Variants in FUCA1 observed in about 807,000 individuals in gnomAD.
FUCA1 encodes tissue alpha-L-fucosidase.
A neutral mutation model predicts 56.8 loss-of-function variants in FUCA1; 52 were observed. That is an observed-to-expected ratio of 0.92 (90% CI 0.73 to 1.15). FUCA1 has a LOEUF of 1.15. Ranked by LOEUF, FUCA1 falls within the 50% of genes most tolerant of loss-of-function variation. The pLI is 0.00. For synonymous variants in FUCA1, 230 were observed against 226.6 expected (o/e 1.02, Z -0.14); for missense variants, 568 against 592.6 (o/e 0.96, Z 0.43).
chr1:23,859,162 G>A (rs1482155372), intron 4 of FUCA1, among the ~76,000 whole-genome samples: 1 of 151,944 alleles, frequency 6.6e-6, no homozygotes, highest in Non-Finnish European at 1.5e-5. Context: ...TATAACATTT[G>A]TTTGCTTAAT....
chr1:23,845,929 G>A, intron 7 of FUCA1, 74 bp from the exon 8 acceptor site: 1 of 1,588,782 alleles, frequency 6.3e-7, no homozygotes. Flanking sequence ...GACTATGGTA[G>A]GAAACAGCCA....
chr1:23,854,696 T>C (rs1639355820), intron 4 of FUCA1, 136 bp from the exon 5 acceptor site: 1 of 747,390 alleles, frequency 1.3e-6, no homozygotes, highest in African/African-American at 1.7e-5. Context: ...GCAATTTTGC[T>C]CTGGAGGGGA....
At chr1:23,861,681 A>T (rs1213767979) in intron 3 of FUCA1, among the ~76,000 whole-genome samples, 1 of 152,202 alleles carries the variant, frequency 6.6e-6, no homozygotes, top group Non-Finnish European at 1.5e-5. Context: ...ATATACATAA[A>T]TACATATGTA....
Position 23,845,371 on chromosome 1 carries a change from G to T in FUCA1, c.*344C>A. 2.8e-6 allele frequency: 1 copy of T among 360,158 alleles called. No homozygotes were observed. The highest frequency in any genetic ancestry group is 7.1e-5 in the East Asian group (1 of 14,110). The allele number at this position is 360,158 out of a possible 1,614,324, so 22.3% of individuals were successfully genotyped here. ...CTTCCACCTCCTCCCATAGGCAACA[G>T]GGTGACTTGGCTTAAAGGCATTGAG... On this transcript the variant is annotated 3_prime_UTR_variant, in exon 8 of 8. Transcript: ENST00000374479.
chr1:23,846,427 C>G (rs573459848), intron 6 of FUCA1, among the ~76,000 whole-genome samples: 23 of 151,836 alleles, frequency 1.5e-4, no homozygotes, highest in African/African-American at 4.8e-4. Context: ...TGCACCACCA[C>G]GCCTGGCTAA....
intron 3 of FUCA1, among the ~76,000 whole-genome samples, chr1:23,861,194 G>A (rs1317778174): frequency 6.6e-6 from 1 of 151,630 alleles, no homozygotes; most frequent in African/African-American, 2.4e-5. Context: ...ATGGTGGCGG[G>A]CGCCTGTAGT....
chr1:23,862,052 G>A (rs1273099621), intron 3 of FUCA1, among the ~76,000 whole-genome samples: 1 of 152,226 alleles, frequency 6.6e-6, no homozygotes, highest in East Asian at 1.9e-4. Context: ...AGCCAAGTAC[G>A]ATAAAAGAGT....
At position 23,868,136 on chromosome 1, in the gene FUCA1, C is replaced by A. The variant is rs761732955; in HGVS notation, c.151G>T (p.Ala51Ser). Residue 51 changes from alanine to serine, a missense_variant, in exon 1 of 8, where the codon GCC (alanine) becomes TCC (serine). Physicochemically the swap from Ala to Ser is moderately conservative, Grantham distance 99 (BLOSUM62 1). Transcript: ENST00000374479. ...WPSLDSRPLPAWFDEAKFGVF... is the reference protein window; with the variant it reads ...WPSLDSRPLPSWFDEAKFGVF... ...CCGAACTTGGCTTCGTCGAACCAGGCCGGCAGCGGCCGAGAATCCAGGCTC... is the reference window on the plus strand; with the variant it reads ...CCGAACTTGGCTTCGTCGAACCAGGACGGCAGCGGCCGAGAATCCAGGCTC... 1 of 1,610,814 alleles carries A rather than the reference C, an allele frequency of 6.2e-7. No individual in the cohort carries two copies. Among genetic ancestry groups the A allele is most frequent in the East Asian group, 2.2e-5 (1 of 44,842 alleles).
chr1:23,851,153 C>T (rs1639247173), intron 5 of FUCA1, among the ~76,000 whole-genome samples: 1 of 151,916 alleles, frequency 6.6e-6, no homozygotes, highest in African/African-American at 2.4e-5. Context: ...TTATGGTTAC[C>T]AGGAGTTCGA....
At chr1:23,856,232 A>T (rs1360824441) in intron 4 of FUCA1, among the ~76,000 whole-genome samples, 1 of 152,220 alleles carries the variant, frequency 6.6e-6, no homozygotes, top group Non-Finnish European at 1.5e-5. Context: ...CAGTGTGCCC[A>T]GACTCTGGCT....
intron 4 of FUCA1, 73 bp downstream of exon 4, chr1:23,859,725 T>C: frequency 3.4e-6 from 3 of 878,778 alleles, no homozygotes; most frequent in Non-Finnish European, 5.8e-6. Context: ...GCTGTGGTTG[T>C]CTACTCCAGA....
At chr1:23,853,456 CGCCCAGCCAGCCGCCCG>C (rs1260036790) in intron 5 of FUCA1, among the ~76,000 whole-genome samples, 1 of 148,940 alleles carries the variant, frequency 6.7e-6, no homozygotes. Flanking sequence ...GTCAGCCCCC[CGCCCAGCCAGCCGCCCG>C]GTCCGGGAGG....
At chr1:23,857,909 C>T (rs569343260) in intron 4 of FUCA1, among the ~76,000 whole-genome samples, 9 of 151,616 alleles carry the variant, frequency 5.9e-5, no homozygotes, top group African/African-American at 2.2e-4. Context: ...ACCTCGTGAT[C>T]CACCAGCCTC....
In FUCA1 at chr1:23,867,877, G is replaced by A. The variant is rs1255612025; in HGVS notation, c.389+21C>T. On this transcript the variant is annotated intron_variant, in intron 1 of 7. Transcript: ENST00000374479. The surrounding 1 kb of genome is among the most constrained non-coding windows in gnomAD (Gnocchi z 4.9). Reference sequence around the variant, plus strand: ...GCCGCCCGAGCCGGGAAGGGGCGCCGCTCCCCGGGACCACACTCACTTGGC... The same window carrying A: ...GCCGCCCGAGCCGGGAAGGGGCGCCACTCCCCGGGACCACACTCACTTGGC... The A allele has an allele frequency of 6.5e-7, 1 of 1,534,630 alleles. No individual in the cohort carries two copies. Among genetic ancestry groups the A allele is most frequent in the Non-Finnish European group, 8.8e-7 (1 of 1,141,902 alleles).
At position 23,845,387 on chromosome 1, in the gene FUCA1, A is replaced by C. The variant is rs1190677252; in HGVS notation, c.*328T>G. The C allele has an allele frequency of 1.2e-4, 46 of 377,008 alleles. No homozygotes were observed. Among genetic ancestry groups the C allele is most frequent in the Non-Finnish European group, 2.5e-5 (5 of 197,900 alleles). 23.4% of individuals were successfully genotyped at this position (377,008 alleles called of 1,614,324 possible). ...TAGGCAACAGGGTGACTTGGCTTAA[A>C]GGCATTGAGTAAGCAAGTAGGTTAT... On this transcript the variant is annotated 3_prime_UTR_variant, in exon 8 of 8. Coordinates refer to ENST00000374479, the MANE Select transcript of FUCA1 (RefSeq NM_000147.5).
intron 5 of FUCA1, among the ~76,000 whole-genome samples, chr1:23,853,124 C>A (rs1389385202): frequency 6.9e-6 from 1 of 145,632 alleles, no homozygotes; most frequent in Admixed American, 6.8e-5. Flanking sequence ...GCCTCTGCCC[C>A]GCCGCCCCGT....
At position 23,865,518 on chromosome 1, in the gene FUCA1, C is replaced by T; in HGVS notation, c.497G>A (p.Gly166Asp). Residue 166 changes from glycine to aspartate, a missense_variant, in exon 2 of 8, where the codon GGT (glycine) becomes GAT (aspartate). Gly to Asp is a moderately conservative substitution (Grantham distance 94). Coordinates refer to ENST00000374479, the MANE Select transcript of FUCA1 (RefSeq NM_000147.5). The part of the protein sequence containing the change: ...KDVGPHRDLV[G>D]ELGTALRKRN... ...CTTCCGGAGAGCTGTTCCCAATTCACCAACCAAATCCCGATGAGGCCCCAC... is the reference window on the plus strand; with the variant it reads ...CTTCCGGAGAGCTGTTCCCAATTCATCAACCAAATCCCGATGAGGCCCCAC... The T allele has an allele frequency of 5.0e-6, 8 of 1,614,204 alleles. No homozygotes were observed. The highest frequency in any genetic ancestry group is 5.1e-6 in the Non-Finnish European group (6 of 1,180,036).
chr1:23,860,573 A>G (rs1418548761), intron 3 of FUCA1, among the ~76,000 whole-genome samples: 8 of 146,550 alleles, frequency 5.5e-5, no homozygotes, highest in Non-Finnish European at 1.2e-4. Flanking sequence ...GACGGAGTGA[A>G]ACTCCGTCTC....
chr1:23,863,041 C>A (rs771620568), intron 3 of FUCA1, 93 bp downstream of exon 3: 4 of 1,352,458 alleles, frequency 3.0e-6, no homozygotes, highest in Non-Finnish European at 4.2e-6. Flanking sequence ...AGGTTTTTTT[C>A]ATACCTATCC....
Sources: gnomAD v4.1 joint callset for allele counts (sites outside exome capture counted in the v4.1 genomes callset) on GRCh38, gnomAD v4.1.1 for gene constraint, Gnocchi (gnomAD v3.1) non-coding constraint, MANE v1.5 for transcripts, NCBI Gene and HGNC (gene_info 2026-07-23, HGNC 2026-07-21) for gene names.